SLC10A7: variants seen among roughly 807,000 people sequenced by gnomAD.
SLC10A7 encodes solute carrier family 10 member 7.
In SLC10A7, 29 loss-of-function variants were observed where a neutral mutation model predicts 43.2. The ratio of observed to expected loss-of-function variants is 0.67; its 90% CI spans 0.50 to 0.92. The LOEUF (loss-of-function observed/expected upper bound fraction) is 0.92, where lower values mean the gene tolerates loss of function less well. Ranked by LOEUF, SLC10A7 falls within the 40% of genes least tolerant of loss-of-function variation. The pLI, the probability that SLC10A7 is intolerant of heterozygous loss-of-function variation, is 0.00. For synonymous variants in SLC10A7, 152 were observed against 144.8 expected (o/e 1.05, Z -0.35); for missense variants, 295 against 403.2 (o/e 0.73, Z 2.30).
At chr4:146,350,304 G>T (rs1421740977) in intron 5 of SLC10A7, among the ~76,000 whole-genome samples, 3 of 151,584 alleles carry the variant, frequency 2.0e-5, no homozygotes, top group Admixed American at 1.3e-4. Context: ...ACTCCCACCC[G>T]AATATTGCGC....
At chr4:146,442,060 A>G (rs1329042570) in intron 5 of SLC10A7, 14 of 979,002 alleles carry the variant, frequency 1.4e-5, no homozygotes, top group Non-Finnish European at 1.7e-5. Context: ...AACTTCAGGA[A>G]TTTAACAAAG....
intron 5 of SLC10A7, among the ~76,000 whole-genome samples, chr4:146,362,771 T>G (rs1188826337): frequency 6.6e-6 from 1 of 152,050 alleles, no homozygotes; most frequent in Non-Finnish European, 1.5e-5. Context: ...TTTTTTTCTT[T>G]GTGATTAAAG....
chr4:146,505,211 T>G (rs1736787715), intron 3 of SLC10A7, among the ~76,000 whole-genome samples: 1 of 152,232 alleles, frequency 6.6e-6, no homozygotes, highest in South Asian at 2.1e-4. Context: ...ACAGCAAGAC[T>G]TCTTCCTCTT....
chr4:146,445,791 C>G (rs1731002659), intron 4 of SLC10A7, among the ~76,000 whole-genome samples: 2 of 152,100 alleles, frequency 1.3e-5, no homozygotes, highest in African/African-American at 4.8e-5. Context: ...CCGCGGGAGT[C>G]TGGCCATCCC....
chr4:146,296,168 C>T (rs1264421998), intron 7 of SLC10A7, among the ~76,000 whole-genome samples: 1 of 152,116 alleles, frequency 6.6e-6, no homozygotes, highest in East Asian at 1.9e-4. Flanking sequence ...TACACACAGC[C>T]TCCTGTGCAC....
intron 2 of SLC10A7, 58 bp from the exon 3 acceptor site, chr4:146,510,107 A>AT: frequency 6.6e-7 from 1 of 1,509,122 alleles, no homozygotes; most frequent in South Asian, 1.3e-5. Flanking sequence ...CTGAAAGGAG[A>AT]TCCCTACTAA....
At chr4:146,434,206 G>A (rs557978532) in intron 5 of SLC10A7, among the ~76,000 whole-genome samples, 5 of 152,086 alleles carry the variant, frequency 3.3e-5, no homozygotes, top group African/African-American at 7.2e-5. Context: ...CTACATCTAC[G>A]TAACACACAG....
intron 4 of SLC10A7, among the ~76,000 whole-genome samples, chr4:146,479,286 T>G (rs2149981804): frequency 1.3e-5 from 2 of 152,340 alleles, no homozygotes; most frequent in African/African-American, 4.8e-5. Context: ...AATCAAAGCA[T>G]ATAGCTATAT....
At chr4:146,399,837 T>A (rs1404952531) in intron 5 of SLC10A7, among the ~76,000 whole-genome samples, 1 of 151,946 alleles carries the variant, frequency 6.6e-6, no homozygotes, top group East Asian at 1.9e-4. Context: ...TTTTTAGATA[T>A]CTAGGATGGA....
intron 4 of SLC10A7, among the ~76,000 whole-genome samples, chr4:146,446,575 C>CA (rs11300760): frequency 9.1e-4 from 117 of 128,054 alleles, no homozygotes; most frequent in Middle Eastern, 4.2e-3. Flanking sequence ...GACCCTGTCT[C>CA]AAAAAAAAAA....
At chr4:146,511,413 G>A (rs1442968278) in intron 2 of SLC10A7, among the ~76,000 whole-genome samples, 1 of 152,216 alleles carries the variant, frequency 6.6e-6, no homozygotes, top group East Asian at 1.9e-4. Flanking sequence ...AGAGTTACTG[G>A]TTGTAAGTAT....
At chr4:146,312,909 T>C (rs75144007) in intron 6 of SLC10A7, among the ~76,000 whole-genome samples, 9,812 of 152,154 alleles carry the variant, frequency 0.064, 424 homozygotes, top group South Asian at 0.19. Context: ...AGGAAAGCTA[T>C]GAAGAATTGA....
intron 5 of SLC10A7, among the ~76,000 whole-genome samples, chr4:146,334,662 G>A (rs1332151574): frequency 6.6e-6 from 1 of 152,076 alleles, no homozygotes; most frequent in African/African-American, 2.4e-5. Context: ...TTTACCTGTT[G>A]CAACTAAAGA....
At chr4:146,513,332 T>C (rs966713267) in intron 2 of SLC10A7, among the ~76,000 whole-genome samples, 1 of 152,116 alleles carries the variant, frequency 6.6e-6, no homozygotes, top group African/African-American at 2.4e-5. Flanking sequence ...CATGTGTGTA[T>C]GTGTATAGAT....
At chr4:146,361,776 T>A (rs1240412826) in intron 5 of SLC10A7, among the ~76,000 whole-genome samples, 2 of 152,116 alleles carry the variant, frequency 1.3e-5, no homozygotes, top group African/African-American at 2.4e-5. Context: ...GTGATGGAGA[T>A]ATGTGACCTC....
chr4:146,520,712 G>C (rs1354325040), intron 1 of SLC10A7, among the ~76,000 whole-genome samples: 1 of 152,118 alleles, frequency 6.6e-6, no homozygotes. Context: ...TGCTCCGGTT[G>C]CATGAGTTAG....
intron 4 of SLC10A7, among the ~76,000 whole-genome samples, chr4:146,462,401 A>G (rs1362309932): frequency 2.0e-5 from 3 of 152,158 alleles, no homozygotes; most frequent in Non-Finnish European, 4.4e-5. Context: ...TTTACATGTA[A>G]GGATTAGACA....
At chr4:146,392,736 GC>G (rs1350581844) in intron 5 of SLC10A7, among the ~76,000 whole-genome samples, 10 of 152,060 alleles carry the variant, frequency 6.6e-5, no homozygotes, top group African/African-American at 2.4e-4. Context: ...TAATACTAAA[GC>G]CAGAATAATC....
At chr4:146,441,757 T>C in intron 5 of SLC10A7, 4 of 983,574 alleles carry the variant, frequency 4.1e-6, no homozygotes, top group Middle Eastern at 5.2e-4. Context: ...ATATAAGCTA[T>C]GCATATATTT....
Sources: gnomAD v4.1 joint callset for allele counts (sites outside exome capture counted in the v4.1 genomes callset) on GRCh38, gnomAD v4.1.1 for gene constraint, MANE v1.5 for transcripts, NCBI Gene and HGNC (gene_info 2026-07-23, HGNC 2026-07-21) for gene names.